Variants in AIG1 observed in about 807,000 individuals in gnomAD.
The protein encoded by AIG1 is androgen-induced gene 1 protein.
AIG1 carries 23 observed loss-of-function variants against 31.4 expected under a neutral mutation model. The ratio of observed to expected loss-of-function variants is 0.73; its 90% CI spans 0.53 to 1.04. The LOEUF is 1.04. Ranked by LOEUF, AIG1 falls within the 50% of genes least tolerant of loss-of-function variation. AIG1 has a pLI of 0.00. For missense variants in AIG1, 274 were observed against 295.0 expected (o/e 0.93, Z 0.52); for synonymous variants, 100 against 110.5 (o/e 0.90, Z 0.60).
rs959208994 is a variant in AIG1, at chr6:143,112,483, G to A, written c.142-24352G>A. 6.6e-5 allele frequency among the ~76,000 whole-genome samples: 10 copies of A among 152,194 alleles called. No homozygotes were observed. In the South Asian group the frequency reaches 1.2e-3, roughly 19 times the overall value. Reference sequence around the variant, plus strand: ...CCTCTGCAGGTACTTTTAGAAATAGGCACTATGTTAGGCTCTAGAGATGCA... The same window carrying A: ...CCTCTGCAGGTACTTTTAGAAATAGACACTATGTTAGGCTCTAGAGATGCA... On this transcript the variant is annotated intron_variant, in intron 1 of 5. Coordinates refer to ENST00000357847, the MANE Select transcript of AIG1 (RefSeq NM_016108.4).
chr6:143,287,737 TAAAAAAAAAAAAAAA>T (rs59551903), intron 4 of AIG1, among the ~76,000 whole-genome samples: 2 of 78,052 alleles, frequency 2.6e-5, no homozygotes, highest in African/African-American at 5.3e-5. Context: ...CTGACTACAG[TAAAAAAAAAAAAAAA>T]AAAAAAAAAA....
intron 3 of AIG1, among the ~76,000 whole-genome samples, chr6:143,247,045 G>A (rs1262838438): frequency 6.6e-6 from 1 of 152,212 alleles, no homozygotes; most frequent in Non-Finnish European, 1.5e-5. Context: ...TCCCCATGGA[G>A]TTATAGGGCA....
At position 143,276,092 on chromosome 6, in the gene AIG1, G is replaced by T. The variant is rs77421279; in HGVS notation, c.400-8018G>T. Reference sequence around the variant, plus strand: ...CCTCATTAGGATTCAGCAAGAGATAGTTACTGCCTCAAGTCATATTTAAAA... The same window carrying T: ...CCTCATTAGGATTCAGCAAGAGATATTTACTGCCTCAAGTCATATTTAAAA... On this transcript the variant is annotated intron_variant, in intron 3 of 5. Coordinates refer to ENST00000357847, the MANE Select transcript of AIG1 (RefSeq NM_016108.4). Among the ~76,000 whole-genome samples the T allele has an allele frequency of 4.3e-3, 651 of 152,316 alleles. 6 individuals are homozygous for T. The highest frequency in any genetic ancestry group is 0.014 in the African/African-American group (597 of 41,556).
chr6:143,064,628 C>G (rs1022383281), intron 1 of AIG1, among the ~76,000 whole-genome samples: 1 of 152,182 alleles, frequency 6.6e-6, no homozygotes, highest in Non-Finnish European at 1.5e-5. Context: ...AAACTTAACT[C>G]TTTTTGTACT....
chr6:143,276,615 G>A (rs1796933542), intron 3 of AIG1, among the ~76,000 whole-genome samples: 2 of 152,082 alleles, frequency 1.3e-5, no homozygotes, highest in East Asian at 1.9e-4. Flanking sequence ...TGGGGAGAGG[G>A]AGACCCATGA....
chr6:143,335,029 T>A (rs749400891), intron 5 of AIG1: 1 of 1,367,206 alleles, frequency 7.3e-7, no homozygotes, highest in Non-Finnish European at 9.7e-7. Flanking sequence ...ATTGACTAAC[T>A]TTTTTTAAAA....
At chr6:143,215,850 A>C (rs1299798907) in intron 3 of AIG1, among the ~76,000 whole-genome samples, 1 of 152,202 alleles carries the variant, frequency 6.6e-6, no homozygotes, top group Non-Finnish European at 1.5e-5. Flanking sequence ...AAAAGGCCAG[A>C]AAATAAACAT....
chr6:143,326,488 G>T lies in AIG1; in HGVS notation c.516-6794G>T, dbSNP rs1344146461. 6.6e-6 allele frequency among the ~76,000 whole-genome samples: 1 copy of T among 152,096 alleles called. No homozygotes were observed. Among genetic ancestry groups the T allele is most frequent in the African/African-American group, 2.4e-5 (1 of 41,398 alleles). ...GACAGGCATTCTGATAAGTGCTGAG[G>T]ATCCAAGGAGAGGTAAAAATAAACA... On this transcript the variant is annotated intron_variant, in intron 4 of 5. Transcript: ENST00000357847. The surrounding 1 kb of genome is among the most constrained non-coding windows in gnomAD (Gnocchi z 4.5).
rs1378322168 is a variant in AIG1 at position 143,299,556 on chromosome 6, T to C, written c.515+15331T>C. On this transcript the variant is annotated intron_variant, in intron 4 of 5. Coordinates refer to ENST00000357847, the MANE Select transcript of AIG1 (RefSeq NM_016108.4). The surrounding 1 kb of genome is among the most constrained non-coding windows in gnomAD (Gnocchi z 4.1). ...TGGTTTGTTTCTTTTTGGCTAAAGA[T>C]GGAAGTTTGAAGTTATGAAATACCC... The C allele has an allele frequency of 2.0e-5, 3 of 152,162 alleles. No homozygotes were observed. Among genetic ancestry groups the C allele is most frequent in the Admixed American group, 1.3e-4 (2 of 15,282 alleles). 9.4% of individuals were successfully genotyped at this position (152,162 alleles called of 1,614,324 possible).
At chr6:143,210,949 T>A (rs1344333513) in intron 3 of AIG1, among the ~76,000 whole-genome samples, 3 of 152,200 alleles carry the variant, frequency 2.0e-5, no homozygotes, top group Non-Finnish European at 4.4e-5. Context: ...CCAATGTGTT[T>A]TATGAAGTTT....
At chr6:143,076,694 A>G (rs1777758544) in intron 1 of AIG1, among the ~76,000 whole-genome samples, 2 of 135,768 alleles carry the variant, frequency 1.5e-5, no homozygotes, top group South Asian at 4.5e-4. Flanking sequence ...TTTTTTTGAG[A>G]TGGAGTCTTG....
chr6:143,328,868 T>C lies in AIG1; in HGVS notation c.516-4414T>C, dbSNP rs939491336. Among the ~76,000 whole-genome samples the C allele has an allele frequency of 6.6e-6, 1 of 152,202 alleles. No individual in the cohort carries two copies. Among genetic ancestry groups the C allele is most frequent in the African/African-American group, 2.4e-5 (1 of 41,468 alleles). On this transcript the variant is annotated intron_variant, in intron 4 of 5. Transcript: ENST00000357847. This position sits in a 1 kb window ranked among gnomAD's most constrained non-coding sequence, Gnocchi z 4.0. ...TATCATGGTTATTGATTTCTTAAGC[T>C]AAAATTAAAATTGGTACCATGACCA...
chr6:143,342,799 C>T, downstream of AIG1: 7 of 802,016 alleles, frequency 8.7e-6, no homozygotes, highest in South Asian at 9.3e-5. Context: ...GTGGAGAGTA[C>T]CTTCTCTGCA....
intron 1 of AIG1, among the ~76,000 whole-genome samples, chr6:143,107,306 A>G (rs1432104701): frequency 2.0e-5 from 3 of 152,224 alleles, no homozygotes; most frequent in Non-Finnish European, 4.4e-5. Context: ...ATTTTAATAT[A>G]AAGATACCTA....
intron 4 of AIG1, among the ~76,000 whole-genome samples, chr6:143,320,714 G>A (rs1031448366): frequency 6.6e-6 from 1 of 152,102 alleles, no homozygotes; most frequent in Non-Finnish European, 1.5e-5. Flanking sequence ...GTTGGTCAAA[G>A]GGTACATTTC....
At chr6:143,146,607 A>G (rs1002857802) in intron 2 of AIG1, among the ~76,000 whole-genome samples, 1 of 150,926 alleles carries the variant, frequency 6.6e-6, no homozygotes, top group Admixed American at 6.6e-5. Context: ...ATTGCTTTCT[A>G]TGTAGAAAAG....
intron 1 of AIG1, among the ~76,000 whole-genome samples, chr6:143,092,309 G>T (rs548642470): frequency 8.5e-5 from 12 of 140,662 alleles, no homozygotes; most frequent in African/African-American, 3.2e-4. Flanking sequence ...TGTAGAGACA[G>T]GGTCTCACTT....
intron 4 of AIG1, among the ~76,000 whole-genome samples, chr6:143,289,049 C>T (rs994995339): frequency 1.2e-4 from 18 of 152,096 alleles, no homozygotes; most frequent in Non-Finnish European, 1.2e-4. Flanking sequence ...AAGCCTCATA[C>T]GTGGCAGCCT....
rs992528837 is a variant in AIG1 at position 143,288,665 on chromosome 6, T to C, written c.515+4440T>C. On this transcript the variant is annotated intron_variant, in intron 4 of 5. Transcript: ENST00000357847. The surrounding 1 kb of genome is among the most constrained non-coding windows in gnomAD (Gnocchi z 4.4). Reference sequence around the variant, plus strand: ...AAGTGTTAATGGAAAAAGCAAACTCTGTAAAATATTTAAAGAGGTTTATTC... The same window carrying C: ...AAGTGTTAATGGAAAAAGCAAACTCCGTAAAATATTTAAAGAGGTTTATTC... Among the ~76,000 whole-genome samples the C allele has an allele frequency of 1.3e-5, 2 of 152,218 alleles. No individual in the cohort carries two copies. Among genetic ancestry groups the C allele is most frequent in the African/African-American group, 4.8e-5 (2 of 41,434 alleles).
Sources: allele counts gnomAD v4.1 joint callset (sites outside exome capture counted in the v4.1 genomes callset), GRCh38; gene constraint gnomAD v4.1.1; non-coding constraint Gnocchi (gnomAD v3.1); transcripts MANE v1.5; gene names NCBI Gene and HGNC (gene_info 2026-07-23, HGNC 2026-07-21).